The following DLK1 variants were observed in gnomAD, a reference collection of about 807,000 sequenced individuals.
The protein encoded by DLK1 is protein delta homolog 1.
A neutral mutation model predicts 35.2 loss-of-function variants in DLK1; 9 were observed. That is an observed-to-expected ratio of 0.26 (90% CI 0.15 to 0.45). The LOEUF (loss-of-function observed/expected upper bound fraction) is 0.45, where lower values mean the gene tolerates loss of function less well. Among genes scored for constraint, DLK1 ranks in the 20% least tolerant of loss-of-function variants. The pLI is 1.00. For synonymous variants in DLK1, 231 were observed against 228.4 expected (o/e 1.01, Z -0.10); for missense variants, 522 against 528.5 (o/e 0.99, Z 0.12).
chr14:100,728,294 T>C, intron 1 of DLK1, 102 bp from the exon 2 acceptor site: 1 of 1,254,840 alleles, frequency 8.0e-7, no homozygotes, highest in Non-Finnish European at 1.2e-6. Context: ...AAGAGGGCTG[T>C]TGGTGCCCTC....
At position 100,734,617 on chromosome 14, in the gene DLK1, G is replaced by T. The variant is rs761904576; in HGVS notation, c.873G>T (p.Glu291Asp). 1 of 1,613,972 alleles carries T rather than the reference G, an allele frequency of 6.2e-7. No homozygotes were observed. The highest frequency in any genetic ancestry group is 1.7e-5 in the Admixed American group (1 of 60,034). Residue 291 changes from glutamate to aspartate, a missense_variant, in exon 5 of 5, where the codon GAG becomes GAT. Physicochemically the swap from Glu to Asp is conservative, Grantham distance 45. Coordinates refer to ENST00000341267, the MANE Select transcript of DLK1 (RefSeq NM_003836.7). The surrounding 1 kb of genome is among the most constrained non-coding windows in gnomAD (Gnocchi z 7.4). ...EHRILKVSMK[E>D]LNKKTPLLTE... ...GCATCCTGAAGGTGTCCATGAAAGA[G>T]CTCAACAAGAAAACCCCTCTCCTCA...
Position 100,734,275 on chromosome 14 carries a change from C to A in DLK1, c.531C>A (p.Asn177Lys), listed in dbSNP as rs1338906207. The change falls in exon 5 of 5, where the codon AAC becomes AAA. Residue 177 changes from asparagine (N) to lysine (K), a missense_variant. Asn to Lys is a moderately conservative substitution (Grantham distance 94, BLOSUM62 0). Coordinates refer to ENST00000341267, the MANE Select transcript of DLK1 (RefSeq NM_003836.7). This position sits in a 1 kb window ranked among gnomAD's most constrained non-coding sequence, Gnocchi z 7.4. ...CEIVANSCTP[N>K]PCENDGVCTD... ...TCGTGGCCAACAGCTGCACCCCCAACCCATGCGAGAACGACGGCGTCTGCA... is the reference window on the plus strand; with the variant it reads ...TCGTGGCCAACAGCTGCACCCCCAAACCATGCGAGAACGACGGCGTCTGCA... 1.9e-6 allele frequency: 3 copies of A among 1,613,528 alleles called. No homozygotes were observed. The South Asian group carries it at 3.3e-5, about 18-fold the overall frequency.
rs1235894937 is a variant in DLK1 at position 100,735,593 on chromosome 14, T to A, written c.*697T>A. 2.6e-5 allele frequency: 4 copies of A among 152,094 alleles called. No individual in the cohort carries two copies. The highest frequency in any genetic ancestry group is 2.9e-5 in the Non-Finnish European group (2 of 68,022). 9.4% of individuals were successfully genotyped at this position (152,094 alleles called of 1,614,324 possible). A position where few individuals can be genotyped will look rare whatever the true frequency, so the allele number is the denominator to read the frequency against. On this transcript the variant is annotated 3_prime_UTR_variant, in exon 5 of 5. Coordinates refer to ENST00000341267, the MANE Select transcript of DLK1 (RefSeq NM_003836.7). ...GGGGTTTGAACACCGACCACCATGGTCCTCTCTGGCTCTAAAACTCTGAAT... is the reference window on the plus strand; with the variant it reads ...GGGGTTTGAACACCGACCACCATGGACCTCTCTGGCTCTAAAACTCTGAAT...
Position 100,734,486 on chromosome 14 carries a change from C to A in DLK1, c.742C>A (p.Arg248Ser). Residue 248 changes from arginine to serine, a missense_variant, in exon 5 of 5, where the codon CGC becomes AGC. Coordinates refer to ENST00000341267, the MANE Select transcript of DLK1 (RefSeq NM_003836.7). This position sits in a 1 kb window ranked among gnomAD's most constrained non-coding sequence, Gnocchi z 7.4. Reference sequence around the variant, plus strand: ...CACAGGTCTCACCTGTGTCAAGAAGCGCGCGCTGAGCCCCCAGCAGGTCAC... The same window carrying A: ...CACAGGTCTCACCTGTGTCAAGAAGAGCGCGCTGAGCCCCCAGCAGGTCAC... The part of the protein sequence containing the change: ...EFTGLTCVKK[R>S]ALSPQQVTRL... The A allele has an allele frequency of 6.2e-7, 1 of 1,611,278 alleles. No individual in the cohort carries two copies. Among genetic ancestry groups the A allele is most frequent in the Non-Finnish European group, 8.5e-7 (1 of 1,178,594 alleles).
chr14:100,734,298 G>A lies in DLK1; in HGVS notation c.554G>A (p.Cys185Tyr). ...TPNPCENDGVCTDIGGDFRCR... is the reference protein window; with the variant it reads ...TPNPCENDGVYTDIGGDFRCR... ...AACCCATGCGAGAACGACGGCGTCT[G>A]CACTGACATTGGGGGCGACTTCCGC... The change falls in exon 5 of 5, where the codon TGC (cysteine) becomes TAC (tyrosine). Residue 185 changes from cysteine (C) to tyrosine (Y), a missense_variant. Transcript: ENST00000341267. The surrounding 1 kb of genome is among the most constrained non-coding windows in gnomAD (Gnocchi z 7.4). The A allele has an allele frequency of 6.2e-7, 1 of 1,613,436 alleles. No individual in the cohort carries two copies. The highest frequency in any genetic ancestry group is 8.5e-7 in the Non-Finnish European group (1 of 1,180,004).
Position 100,734,655 on chromosome 14 carries a change from C to A in DLK1, c.911C>A (p.Ala304Asp). 1 of 1,614,038 alleles carries A rather than the reference C, an allele frequency of 6.2e-7. No individual in the cohort carries two copies. The highest frequency in any genetic ancestry group is 8.5e-7 in the Non-Finnish European group (1 of 1,180,038). Reference sequence around the variant, plus strand: ...ACCCCTCTCCTCACCGAGGGCCAGGCCATCTGCTTCACCATCCTGGGCGTG... The same window carrying A: ...ACCCCTCTCCTCACCGAGGGCCAGGACATCTGCTTCACCATCCTGGGCGTG... The part of the protein sequence containing the change: ...KKTPLLTEGQ[A>D]ICFTILGVLT... The change falls in exon 5 of 5, where the codon GCC becomes GAC. Residue 304 changes from alanine (A) to aspartate (D), a missense_variant. Physicochemically the swap from Ala to Asp is moderately radical, Grantham distance 126 (BLOSUM62 -2). Transcript: ENST00000341267. The surrounding 1 kb of genome is among the most constrained non-coding windows in gnomAD (Gnocchi z 7.4).
chr14:100,731,234 C>T (rs1213311606), intron 3 of DLK1, among the ~76,000 whole-genome samples: 1 of 152,156 alleles, frequency 6.6e-6, no homozygotes, highest in Non-Finnish European at 1.5e-5. Flanking sequence ...GGGTCTCCAT[C>T]ATCAGAGAGC....
In DLK1 at chr14:100,736,500, C is replaced by G. The variant is rs1429760754; in HGVS notation, c.*1604C>G. ...CTGCGCCATCGTCATGACACAATAT[C>G]GACCTCATCACCTCATCGTCCTCCA... On this transcript the variant is annotated 3_prime_UTR_variant, in exon 5 of 5. Coordinates refer to ENST00000341267, the MANE Select transcript of DLK1 (RefSeq NM_003836.7). The G allele has an allele frequency of 6.6e-6, 1 of 152,174 alleles. No individual in the cohort carries two copies. The highest frequency in any genetic ancestry group is 1.5e-5 in the Non-Finnish European group (1 of 68,172). The allele number at this position is 152,174 out of a possible 1,614,324, so 9.4% of individuals were successfully genotyped here.
Position 100,728,920 on chromosome 14 carries a change from C to T in DLK1, c.132-16C>T. 6.2e-7 allele frequency: 1 copy of T among 1,612,888 alleles called. No homozygotes were observed. Among genetic ancestry groups the T allele is most frequent in the Non-Finnish European group, 8.5e-7 (1 of 1,179,484 alleles). On this transcript the variant is annotated splice_polypyrimidine_tract_variant and intron_variant, in intron 2 of 4. Transcript: ENST00000341267. Reference sequence around the variant, plus strand: ...CCTCTTCATATGTCCCCACCTTTCTCCCCCACCCATTGCAGGTGCCAGCCT... The same window carrying T: ...CCTCTTCATATGTCCCCACCTTTCTTCCCCACCCATTGCAGGTGCCAGCCT...
chr14:100,734,320 C>T lies in DLK1; in HGVS notation c.576C>T (p.Phe192=). 4 of 1,613,250 alleles carry T rather than the reference C, an allele frequency of 2.5e-6. No homozygotes were observed. The highest frequency in any genetic ancestry group is 3.4e-6 in the Non-Finnish European group (4 of 1,179,974). ...DGVCTDIGGD[F]RCRCPAGFID... ...TCTGCACTGACATTGGGGGCGACTT[C>T]CGCTGCCGGTGCCCAGCCGGCTTCA... Residue 192 remains phenylalanine, a synonymous_variant, in exon 5 of 5, where the codon TTC becomes TTT. Transcript: ENST00000341267. This position sits in a 1 kb window ranked among gnomAD's most constrained non-coding sequence, Gnocchi z 7.4.
At chr14:100,732,323 C>T (rs949574904) in intron 4 of DLK1, 140 bp downstream of exon 4, 12 of 1,305,518 alleles carry the variant, frequency 9.2e-6, no homozygotes, top group South Asian at 3.1e-5. Context: ...CGTAGGGGAC[C>T]GCCCTGGATG....
Position 100,728,518 on chromosome 14 carries a change from G to A in DLK1, c.131+59G>A, listed in dbSNP as rs1321924823. 8.8e-6 allele frequency: 14 copies of A among 1,582,014 alleles called. No individual in the cohort carries two copies. The African/African-American group carries it at 1.1e-4, about 12-fold the overall frequency. On this transcript the variant is annotated intron_variant, in intron 2 of 4. Coordinates refer to ENST00000341267, the MANE Select transcript of DLK1 (RefSeq NM_003836.7). ...GGGCCACGCAGAAGCCTGGGGAGTC[G>A]TGAAGTCAGGCAGAAAAAAATAGGG...
chr14:100,728,820 G>A (rs1744982993), intron 2 of DLK1, 116 bp from the exon 3 acceptor site: 2 of 1,362,368 alleles, frequency 1.5e-6, no homozygotes, highest in Non-Finnish European at 2.0e-6. Context: ...CAGGACCACC[G>A]GCTGCCACTG....
At chr14:100,730,068 C>T (rs1438070294) in intron 3 of DLK1, among the ~76,000 whole-genome samples, 1 of 152,186 alleles carries the variant, frequency 6.6e-6, no homozygotes, top group East Asian at 1.9e-4. Flanking sequence ...TTGTTGTGGC[C>T]CCTGCCCTGT....
intron 2 of DLK1, 191 bp from the exon 3 acceptor site, chr14:100,728,745 G>A (rs1295272013): frequency 2.9e-5 from 25 of 850,364 alleles, no homozygotes; most frequent in Non-Finnish European, 4.2e-5. Context: ...CCTCCAAGTC[G>A]GCCCCCTCAG....
rs549842197 is a variant in DLK1 at position 100,733,502 on chromosome 14, A to T, written c.405-647A>T. On this transcript the variant is annotated intron_variant, in intron 4 of 4. Transcript: ENST00000341267. ...CGCTGGCTTGTGCCACCGTAGACAG[A>T]CCTCGTATTGCTTTCTCTTTGAGAG... 7.9e-5 allele frequency among the ~76,000 whole-genome samples: 12 copies of T among 152,238 alleles called. No homozygotes were observed. In the South Asian group the frequency reaches 2.5e-3, roughly 32 times the overall value.
At chr14:100,728,873 T>G in intron 2 of DLK1, 63 bp from the exon 3 acceptor site, 4 of 1,584,228 alleles carry the variant, frequency 2.5e-6, no homozygotes, top group Non-Finnish European at 3.4e-6. Context: ...GAAAGTAGCC[T>G]GAGCTGCCTC....
chr14:100,727,024 C>A lies in DLK1; in HGVS notation c.-45C>A. On this transcript the variant is annotated 5_prime_UTR_variant, in exon 1 of 5. Coordinates refer to ENST00000341267, the MANE Select transcript of DLK1 (RefSeq NM_003836.7). Reference sequence around the variant, plus strand: ...CCCAGTGCGGCGCCAGGAGCCGGACCCGCGCCCGCACCGCTCCCGGGACCG... The same window carrying A: ...CCCAGTGCGGCGCCAGGAGCCGGACACGCGCCCGCACCGCTCCCGGGACCG... 6.6e-7 allele frequency: 1 copy of A among 1,520,724 alleles called. No homozygotes were observed. The highest frequency in any genetic ancestry group is 8.8e-7 in the Non-Finnish European group (1 of 1,136,988). The allele number at this position is 1,520,724 out of a possible 1,614,324, so 94.2% of individuals were successfully genotyped here. A position where few individuals can be genotyped will look rare whatever the true frequency, so the allele number is the denominator to read the frequency against.
intron 3 of DLK1, among the ~76,000 whole-genome samples, chr14:100,730,925 A>G (rs546282248): frequency 2.6e-5 from 4 of 152,142 alleles, no homozygotes; most frequent in African/African-American, 9.6e-5. Context: ...AGAGGGGGAA[A>G]AAATACGCAC....
Sources: gnomAD v4.1 joint callset for allele counts (sites outside exome capture counted in the v4.1 genomes callset) on GRCh38, gnomAD v4.1.1 for gene constraint, Gnocchi (gnomAD v3.1) non-coding constraint, MANE v1.5 for transcripts, NCBI Gene and HGNC (gene_info 2026-07-23, HGNC 2026-07-21) for gene names.